CRACD: variants seen among roughly 807,000 people sequenced by gnomAD.
CRACD encodes the protein capping protein-inhibiting regulator of actin dynamics.
Under a neutral mutation model 106.8 loss-of-function variants are expected in CRACD, and 56 were observed. That is an observed-to-expected ratio of 0.52 (90% CI 0.42 to 0.66). CRACD has a LOEUF of 0.66. Among genes scored for constraint, CRACD ranks in the 30% least tolerant of loss-of-function variants. CRACD has a pLI of 0.00. For synonymous variants in CRACD, 754 were observed against 670.8 expected, an observed-to-expected ratio of 1.12 and a Z score of -1.92; for missense variants, 1,730 against 1,623.2, an observed-to-expected ratio of 1.07 and a Z score of -1.13.
At chr4:56,056,389 T>C (rs1405861464) in intron 1 of CRACD, among the ~76,000 whole-genome samples, 1 of 152,188 alleles carries the variant, frequency 6.6e-6, no homozygotes, top group East Asian at 1.9e-4. Context: ...TTAAGAGAAA[T>C]ATCAGAGATC....
chr4:56,158,987 C>T (rs1169815018), intron 1 of CRACD, among the ~76,000 whole-genome samples: 1 of 152,224 alleles, frequency 6.6e-6, no homozygotes, highest in Non-Finnish European at 1.5e-5. Flanking sequence ...AAATCATTTT[C>T]CCTGTGGAGC....
At chr4:56,280,259 G>A (rs545123857) in intron 3 of CRACD, among the ~76,000 whole-genome samples, 12 of 151,788 alleles carry the variant, frequency 7.9e-5, no homozygotes, top group East Asian at 3.9e-4. Flanking sequence ...AAACGTGCAC[G>A]TTGTGCACAT....
chr4:56,104,794 T>C (rs1733889861), intron 1 of CRACD, among the ~76,000 whole-genome samples: 1 of 151,870 alleles, frequency 6.6e-6, no homozygotes, highest in Non-Finnish European at 1.5e-5. Flanking sequence ...GGTGAAACTC[T>C]GTCTCTACTA....
intron 1 of CRACD, among the ~76,000 whole-genome samples, chr4:56,155,020 A>G (rs1735720636): frequency 7.2e-6 from 1 of 139,756 alleles, no homozygotes; most frequent in African/African-American, 2.7e-5. Context: ...TTAAAATTGC[A>G]ATTCAGTCCA....
intron 1 of CRACD, among the ~76,000 whole-genome samples, chr4:56,148,881 T>A (rs1447316180): frequency 2.0e-5 from 3 of 151,912 alleles, no homozygotes; most frequent in Admixed American, 6.6e-5. Flanking sequence ...AGTGGCGTGA[T>A]CTCGGCTCGC....
intron 3 of CRACD, among the ~76,000 whole-genome samples, chr4:56,281,591 C>A: frequency 6.6e-6 from 1 of 151,984 alleles, no homozygotes; most frequent in Non-Finnish European, 1.5e-5. Context: ...GCGCTATCTG[C>A]AATAAAGCAC....
chr4:56,293,839 T>C lies in CRACD; in HGVS notation c.-16-4375T>C, dbSNP rs190174220. 1.0e-3 allele frequency among the ~76,000 whole-genome samples: 159 copies of C among 152,268 alleles called. 5 individuals are homozygous for C. In the South Asian group the frequency reaches 0.013, roughly 12 times the overall value. ...TTGGAGACTACAATTTGACATGAGA[T>C]TTGTCGGGGACACAGATCCAAACCA... On this transcript the variant is annotated intron_variant, in intron 3 of 10. Coordinates refer to ENST00000682029, the MANE Select transcript of CRACD (RefSeq NM_001393381.1).
chr4:56,165,954 G>GAATGAC (rs1577705420), intron 1 of CRACD, among the ~76,000 whole-genome samples: 2 of 152,100 alleles, frequency 1.3e-5, no homozygotes, highest in Non-Finnish European at 2.9e-5. Context: ...TGGAACTCTT[G>GAATGAC]GGCTTAAGCA....
intron 1 of CRACD, among the ~76,000 whole-genome samples, chr4:56,077,508 C>T (rs78855266): frequency 0.018 from 2,667 of 152,286 alleles, 76 homozygotes; most frequent in African/African-American, 0.061. Context: ...CTACCAAAAG[C>T]CTCATGTAAG....
chr4:56,309,013 TAACAAAC>T (rs1190459521), intron 5 of CRACD: 5 of 632,160 alleles, frequency 7.9e-6, no homozygotes, highest in East Asian at 6.6e-5. Flanking sequence ...TGAGAGGGTG[TAACAAAC>T]AACAAACAAG....
chr4:56,098,914 A>G (rs187640637), intron 1 of CRACD, among the ~76,000 whole-genome samples: 127 of 152,224 alleles, frequency 8.3e-4, no homozygotes, highest in African/African-American at 2.9e-3. Context: ...ACCTCAGGTG[A>G]TCTCCCCACC....
At chr4:56,125,059 C>T (rs13109565) in intron 1 of CRACD, among the ~76,000 whole-genome samples, 7,703 of 152,206 alleles carry the variant, frequency 0.051, 268 homozygotes, top group East Asian at 0.17. Flanking sequence ...AAATATCCAA[C>T]GTTATGTTCA....
chr4:56,247,615 G>T (rs1304906128), intron 2 of CRACD, among the ~76,000 whole-genome samples: 1 of 152,154 alleles, frequency 6.6e-6, no homozygotes, highest in African/African-American at 2.4e-5. Flanking sequence ...GGAGATTGAG[G>T]CAGGTGGATC....
chr4:56,199,609 G>A (rs1290826234), intron 2 of CRACD, among the ~76,000 whole-genome samples: 4 of 147,624 alleles, frequency 2.7e-5, no homozygotes, highest in African/African-American at 1.0e-4. Context: ...TTGAACCTGA[G>A]AGTCAGAGGC....
intron 1 of CRACD, among the ~76,000 whole-genome samples, chr4:56,146,688 T>C (rs1222347231): frequency 6.6e-6 from 1 of 152,002 alleles, no homozygotes; most frequent in Non-Finnish European, 1.5e-5. Flanking sequence ...GACAATGATA[T>C]ATTTGTTCTT....
chr4:56,151,207 G>A (rs1426582108), intron 1 of CRACD, among the ~76,000 whole-genome samples: 2 of 152,030 alleles, frequency 1.3e-5, no homozygotes, highest in Non-Finnish European at 2.9e-5. Context: ...ATGATGGCCA[G>A]GCTGCTGGTC....
chr4:56,108,263 C>T (rs971400460), intron 1 of CRACD, among the ~76,000 whole-genome samples: 11 of 152,228 alleles, frequency 7.2e-5, no homozygotes, highest in East Asian at 3.9e-4. Flanking sequence ...GCACCACCAC[C>T]GGTATAATCC....
At chr4:56,079,924 GA>G (rs1219053902) in intron 1 of CRACD, among the ~76,000 whole-genome samples, 1 of 152,208 alleles carries the variant, frequency 6.6e-6, no homozygotes, top group Non-Finnish European at 1.5e-5. Context: ...AGAATGGCTT[GA>G]GGGGGGATAT....
At chr4:56,147,565 T>C (rs1029065368) in intron 1 of CRACD, among the ~76,000 whole-genome samples, 6 of 152,232 alleles carry the variant, frequency 3.9e-5, no homozygotes, top group African/African-American at 1.4e-4. Flanking sequence ...CTTAGCATAA[T>C]GTTTTCAAGG....
Sources: allele counts gnomAD v4.1 joint callset (sites outside exome capture counted in the v4.1 genomes callset), GRCh38; gene constraint gnomAD v4.1.1; transcripts MANE v1.5; gene names NCBI Gene and HGNC (gene_info 2026-07-23, HGNC 2026-07-21).